Variants in NRG1 observed in about 807,000 individuals in gnomAD.
The protein encoded by NRG1 is neuregulin 1.
NRG1 carries 18 observed loss-of-function variants against 63.8 expected under a neutral mutation model. That is an observed-to-expected ratio of 0.28 (90% CI 0.19 to 0.42). The LOEUF (loss-of-function observed/expected upper bound fraction) is 0.42. NRG1 is among the 10% of genes least tolerant of loss of function. NRG1 has a pLI of 1.00. For missense variants in NRG1, 762 were observed against 814.7 expected (o/e 0.94, Z 0.79); for synonymous variants, 302 against 301.3 (o/e 1.00, Z -0.02).
At chr8:31,934,956 G>A (rs1835178219) in intron 1 of NRG1, among the ~76,000 whole-genome samples, 1 of 151,914 alleles carries the variant, frequency 6.6e-6, no homozygotes, top group Admixed American at 6.6e-5. Context: ...TTTTGTTTTT[G>A]TTTTAATAGA....
At chr8:32,478,265 G>GT (rs1197800827) in intron 1 of NRG1, among the ~76,000 whole-genome samples, 2 of 22,110 alleles carry the variant, frequency 9.0e-5, no homozygotes, top group Non-Finnish European at 2.0e-4. Flanking sequence ...TCTTCCATGT[G>GT]GGGGGGCCTT....
intron 1 of NRG1, among the ~76,000 whole-genome samples, chr8:31,705,475 C>G (rs1360209640): frequency 6.6e-6 from 1 of 152,138 alleles, no homozygotes; most frequent in Non-Finnish European, 1.5e-5. Context: ...CACTGCAGGA[C>G]AAGAGATAGG....
At chr8:31,955,077 A>G (rs1211536136) in intron 1 of NRG1, among the ~76,000 whole-genome samples, 3 of 152,220 alleles carry the variant, frequency 2.0e-5, no homozygotes, top group African/African-American at 7.2e-5. Flanking sequence ...TAAATTATTT[A>G]GTTGATACTA....
intron 1 of NRG1, among the ~76,000 whole-genome samples, chr8:32,223,702 G>A (rs559819146): frequency 1.3e-5 from 2 of 152,316 alleles, no homozygotes; most frequent in South Asian, 2.1e-4. Flanking sequence ...TGAACATGAT[G>A]CCCTCTAGTG....
chr8:32,611,689 T>C (rs1846382491), intron 3 of NRG1, among the ~76,000 whole-genome samples: 1 of 152,066 alleles, frequency 6.6e-6, no homozygotes, highest in Non-Finnish European at 1.5e-5. Flanking sequence ...TAAATAAATA[T>C]GTCCACTTTT....
At chr8:32,073,497 A>T (rs533382503) in intron 1 of NRG1, among the ~76,000 whole-genome samples, 1 of 152,304 alleles carries the variant, frequency 6.6e-6, no homozygotes, top group Non-Finnish European at 1.5e-5. Flanking sequence ...ATTCCTTATC[A>T]TGGAATTATA....
Position 32,184,974 on chromosome 8 carries a change from T to A in NRG1, c.38-410854T>A, listed in dbSNP as rs538217563. Reference sequence around the variant, plus strand: ...GGTGAAATTCTCAGAGAGACTCTTCTTTCTGTGGTCCTGCCTTGTAGATGA... The same window carrying A: ...GGTGAAATTCTCAGAGAGACTCTTCATTCTGTGGTCCTGCCTTGTAGATGA... On this transcript the variant is annotated intron_variant, in intron 1 of 10. Coordinates refer to the NRG1 transcript ENST00000519301. Among the ~76,000 whole-genome samples, 15 of 152,214 alleles carry A rather than the reference T, an allele frequency of 9.9e-5. 1 individual carries two copies. The highest frequency in any genetic ancestry group is 8.3e-4 in the South Asian group (4 of 4,834).
At chr8:32,770,293 A>G (rs865832797), downstream of NRG1, among the ~76,000 whole-genome samples, 26 of 152,260 alleles carry the variant, frequency 1.7e-4, no homozygotes, top group African/African-American at 6.0e-4. Flanking sequence ...TTCTCTCTAC[A>G]TGATATGGTA....
chr8:31,742,455 ATT>A (rs36040084), intron 1 of NRG1, among the ~76,000 whole-genome samples: 2,147 of 80,044 alleles, frequency 0.027, 72 homozygotes, highest in South Asian at 0.15. Context: ...TTTTTTAAGA[ATT>A]TTTTTTTTTT....
chr8:32,645,005 G>C (rs1285080812), intron 5 of NRG1, among the ~76,000 whole-genome samples: 1 of 152,084 alleles, frequency 6.6e-6, no homozygotes, highest in East Asian at 1.9e-4. Context: ...TGAAATGCTG[G>C]TGTATTGAGT....
chr8:32,629,336 T>C (rs1849860190), intron 5 of NRG1, among the ~76,000 whole-genome samples: 1 of 152,130 alleles, frequency 6.6e-6, no homozygotes, highest in South Asian at 2.1e-4. Context: ...GATGTGCACA[T>C]CAGTTCCCAC....
chr8:31,761,831 G>T (rs549712593), intron 1 of NRG1, among the ~76,000 whole-genome samples: 1 of 152,314 alleles, frequency 6.6e-6, no homozygotes, highest in East Asian at 1.9e-4. Flanking sequence ...AGCACATGCT[G>T]TTGGAAAAAT....
At chr8:32,210,613 A>AGAT (rs1417719484) in intron 1 of NRG1, among the ~76,000 whole-genome samples, 1 of 152,214 alleles carries the variant, frequency 6.6e-6, no homozygotes, top group African/African-American at 2.4e-5. Context: ...AGAGAAGAAA[A>AGAT]GATGAACTTC....
intron 1 of NRG1, among the ~76,000 whole-genome samples, chr8:31,653,694 A>G (rs1429891671): frequency 6.6e-6 from 1 of 152,228 alleles, no homozygotes; most frequent in African/African-American, 2.4e-5. Flanking sequence ...ATAGTGTATT[A>G]ACTATGTGTA....
At chr8:32,678,644 C>T (rs527402529) in intron 5 of NRG1, among the ~76,000 whole-genome samples, 1 of 152,276 alleles carries the variant, frequency 6.6e-6, no homozygotes, top group Non-Finnish European at 1.5e-5. Flanking sequence ...GCTTCACCTT[C>T]TTCAGAGCAA....
chr8:32,319,494 A>T (rs765058986), intron 1 of NRG1, among the ~76,000 whole-genome samples: 2 of 152,170 alleles, frequency 1.3e-5, no homozygotes, highest in Non-Finnish European at 2.9e-5. Context: ...GCAGGAAAAG[A>T]GTCTTCTATG....
At chr8:32,351,513 T>A (rs1236452623) in intron 1 of NRG1, among the ~76,000 whole-genome samples, 1 of 152,192 alleles carries the variant, frequency 6.6e-6, no homozygotes, top group Non-Finnish European at 1.5e-5. Flanking sequence ...TGTTACTGCC[T>A]CAATTTCCTT....
chr8:32,601,831 T>C (rs1844414044), intron 2 of NRG1, among the ~76,000 whole-genome samples: 1 of 152,130 alleles, frequency 6.6e-6, no homozygotes, highest in Non-Finnish European at 1.5e-5. Flanking sequence ...TCCAAGTTGA[T>C]TGATGCTCTG....
At chr8:32,344,515 C>A (rs1264916485) in intron 1 of NRG1, among the ~76,000 whole-genome samples, 1 of 150,540 alleles carries the variant, frequency 6.6e-6, no homozygotes, top group Non-Finnish European at 1.5e-5. Flanking sequence ...CACTGCAGCC[C>A]CGACTTCACA....
Sources: allele counts gnomAD v4.1 joint callset (sites outside exome capture counted in the v4.1 genomes callset), GRCh38; gene constraint gnomAD v4.1.1; transcripts MANE v1.5; gene names NCBI Gene and HGNC (gene_info 2026-07-23, HGNC 2026-07-21).